Variants in LRRIQ3 observed in about 807,000 individuals in gnomAD.
The protein encoded by LRRIQ3 is leucine-rich repeat and IQ domain-containing protein 3.
LRRIQ3 carries 75 observed loss-of-function variants against 59.3 expected under a neutral mutation model. That is an observed-to-expected ratio of 1.26 (90% confidence interval 1.05 to 1.53). The LOEUF is 1.53. Among genes scored for constraint, LRRIQ3 ranks in the 40% most tolerant of loss-of-function variants. The probability of loss-of-function intolerance (pLI) is 0.00; values close to 1 mark genes in which losing one functional copy is unlikely to be tolerated. For synonymous variants in LRRIQ3, 250 were observed against 231.3 expected (o/e 1.08, Z -0.73); for missense variants, 831 against 710.0 (o/e 1.17, Z -1.94).
At chr1:74,169,015 A>G (rs139396817) in intron 3 of LRRIQ3, among the ~76,000 whole-genome samples, 2 of 152,276 alleles carry the variant, frequency 1.3e-5, no homozygotes, top group Non-Finnish European at 2.9e-5. Context: ...TTGTACCACA[A>G]TTTGTAGGAA....
chr1:74,118,238 G>A (rs1232368088), intron 4 of LRRIQ3, among the ~76,000 whole-genome samples: 1 of 151,882 alleles, frequency 6.6e-6, no homozygotes, highest in Non-Finnish European at 1.5e-5. Context: ...CATTGCACAG[G>A]CACCTACCCA....
At chr1:74,071,967 C>A (rs1396138937) in intron 6 of LRRIQ3, among the ~76,000 whole-genome samples, 1 of 151,840 alleles carries the variant, frequency 6.6e-6, no homozygotes, top group African/African-American at 2.4e-5. Flanking sequence ...TAATACTCAA[C>A]AATATATTAA....
chr1:74,100,613 C>T (rs925631825), intron 5 of LRRIQ3, among the ~76,000 whole-genome samples: 3 of 152,068 alleles, frequency 2.0e-5, no homozygotes, highest in Admixed American at 6.6e-5. Flanking sequence ...AATCCTAAGC[C>T]AAAAGAACAA....
At chr1:74,185,812 G>T (rs570412449) in intron 1 of LRRIQ3, among the ~76,000 whole-genome samples, 1 of 151,482 alleles carries the variant, frequency 6.6e-6, no homozygotes, top group African/African-American at 2.4e-5. Flanking sequence ...ACGTGGTGGC[G>T]GGCGCCTGTG....
At chr1:74,059,727 G>A (rs1654647089) in intron 6 of LRRIQ3, among the ~76,000 whole-genome samples, 1 of 151,870 alleles carries the variant, frequency 6.6e-6, no homozygotes, top group South Asian at 2.1e-4. Flanking sequence ...TTCCATTTCT[G>A]AAAAGAAAAA....
intron 6 of LRRIQ3, among the ~76,000 whole-genome samples, chr1:74,053,192 A>C (rs1011478203): frequency 3.3e-5 from 5 of 151,794 alleles, no homozygotes; most frequent in African/African-American, 4.8e-5. Context: ...AAAAAAAAAA[A>C]AACAAATTAA....
intron 4 of LRRIQ3, among the ~76,000 whole-genome samples, chr1:74,129,719 T>C (rs955701903): frequency 6.6e-6 from 1 of 151,968 alleles, no homozygotes. Context: ...TGTCTCTCAG[T>C]CTCAACCAAG....
At chr1:74,135,337 G>C (rs1271385448) in intron 4 of LRRIQ3, among the ~76,000 whole-genome samples, 1 of 151,854 alleles carries the variant, frequency 6.6e-6, no homozygotes, top group Non-Finnish European at 1.5e-5. Context: ...CTAAATAATA[G>C]ACAGAATGAC....
At chr1:74,053,120 A>T (rs1351113763) in intron 6 of LRRIQ3, among the ~76,000 whole-genome samples, 2 of 147,798 alleles carry the variant, frequency 1.4e-5, no homozygotes, top group African/African-American at 4.9e-5. Context: ...AGGCAAAACA[A>T]TGAAGTGAGA....
intron 6 of LRRIQ3, among the ~76,000 whole-genome samples, chr1:74,072,988 G>A (rs530075883): frequency 2.0e-5 from 3 of 152,112 alleles, no homozygotes; most frequent in African/African-American, 4.8e-5. Context: ...TACTCAGAAG[G>A]TTGATTTCTT....
Position 74,097,042 on chromosome 1 carries a change from C to G in LRRIQ3, c.867+12352G>C, listed in dbSNP as rs180813594. Among the ~76,000 whole-genome samples, 469 of 152,202 alleles carry G rather than the reference C, an allele frequency of 3.1e-3. 1 individual carries two copies. The highest frequency in any genetic ancestry group is 0.011 in the African/African-American group (444 of 41,560). ...TCTGTCTGTTCTCAGATCTCAAACT[C>G]CATGCTGGGAGAACCACTACTCTCT... On this transcript the variant is annotated intron_variant, in intron 5 of 7. Transcript: ENST00000354431.
chr1:74,116,685 A>T (rs907986266), intron 4 of LRRIQ3, among the ~76,000 whole-genome samples: 2 of 152,116 alleles, frequency 1.3e-5, no homozygotes, highest in African/African-American at 4.8e-5. Context: ...TGTTGATCAC[A>T]GTAATTTTTA....
At chr1:74,110,519 C>G (rs993824710) in intron 4 of LRRIQ3, among the ~76,000 whole-genome samples, 1 of 151,754 alleles carries the variant, frequency 6.6e-6, no homozygotes, top group African/African-American at 2.4e-5. Context: ...AAAACAGGAT[C>G]AAAAGAAACC....
chr1:74,141,551 A>C (rs1404194948), intron 4 of LRRIQ3, among the ~76,000 whole-genome samples: 2 of 151,868 alleles, frequency 1.3e-5, no homozygotes, highest in Non-Finnish European at 2.9e-5. Flanking sequence ...TTTTGAACAC[A>C]CCAATGTAGA....
intron 4 of LRRIQ3, among the ~76,000 whole-genome samples, chr1:74,112,357 T>C (rs1646708584): frequency 1.3e-5 from 2 of 152,008 alleles, no homozygotes; most frequent in South Asian, 4.2e-4. Flanking sequence ...GTTAAGCAAT[T>C]AAGAGGAGGA....
In LRRIQ3 at chr1:74,041,301, C is replaced by A; in HGVS notation, c.1630G>T (p.Val544Phe). The A allele has an allele frequency of 6.2e-7, 1 of 1,613,234 alleles. No individual in the cohort carries two copies. The highest frequency in any genetic ancestry group is 8.5e-7 in the Non-Finnish European group (1 of 1,179,674). ...KIDRLEKNEA[V>F]LKEKSLIVKQ... Reference sequence around the variant, plus strand: ...ACAATCAGGCTTTTCTCTTTTAGGACAGCCTCATTCTTCTCCAGTCTGTCA... The same window carrying A: ...ACAATCAGGCTTTTCTCTTTTAGGAAAGCCTCATTCTTCTCCAGTCTGTCA... The change falls in exon 7 of 8, where the codon GTC (valine) becomes TTC (phenylalanine). Residue 544 changes from valine to phenylalanine, a missense_variant. Val to Phe is a conservative substitution (Grantham distance 50, BLOSUM62 -1). Coordinates refer to ENST00000354431, the MANE Select transcript of LRRIQ3 (RefSeq NM_001105659.2).
At chr1:74,157,451 ACCTATCCTTAAAT>A (rs1648405842) in intron 3 of LRRIQ3, among the ~76,000 whole-genome samples, 2 of 152,088 alleles carry the variant, frequency 1.3e-5, no homozygotes, top group Admixed American at 1.3e-4. Context: ...ATATAACTTT[ACCTATCCTTAAAT>A]CCTAACTCTC....
chr1:74,175,812 G>A (rs1649602948), intron 3 of LRRIQ3, among the ~76,000 whole-genome samples: 1 of 152,058 alleles, frequency 6.6e-6, no homozygotes, highest in African/African-American at 2.4e-5. Flanking sequence ...CTTAGTAGAT[G>A]CTTTAACATA....
At chr1:74,139,275 G>C (rs1184908928) in intron 4 of LRRIQ3, among the ~76,000 whole-genome samples, 3 of 141,566 alleles carry the variant, frequency 2.1e-5, no homozygotes, top group Non-Finnish European at 4.6e-5. Context: ...AAGGAAGGGA[G>C]AAAGGAAGGA....
Sources: gnomAD v4.1 joint callset for allele counts (sites outside exome capture counted in the v4.1 genomes callset) on GRCh38, gnomAD v4.1.1 for gene constraint, MANE v1.5 for transcripts, NCBI Gene and HGNC (gene_info 2026-07-23, HGNC 2026-07-21) for gene names.